KIRREL1: variants seen among roughly 807,000 people sequenced by gnomAD.
KIRREL1 encodes kirre like nephrin family adhesion molecule 1, also known as kin of IRRE-like protein 1.
In KIRREL1, 25 loss-of-function variants were observed where a neutral mutation model predicts 83.3. The ratio of observed to expected loss-of-function variants is 0.30; its 90% CI spans 0.22 to 0.42. The LOEUF is 0.42. Ranked by LOEUF, KIRREL1 falls within the 10% of genes least tolerant of loss-of-function variation. The probability of loss-of-function intolerance (pLI) is 1.00; values close to 1 mark genes in which losing one functional copy is unlikely to be tolerated. For missense variants in KIRREL1, 812 were observed against 1,032.3 expected, an observed-to-expected ratio of 0.79 and a Z score of 2.92; for synonymous variants, 388 against 410.4, an observed-to-expected ratio of 0.95 and a Z score of 0.66.
At chr1:158,043,219 G>A (rs530973696) in intron 1 of KIRREL1, among the ~76,000 whole-genome samples, 4 of 152,204 alleles carry the variant, frequency 2.6e-5, no homozygotes, top group Non-Finnish European at 5.9e-5. Context: ...TCCACACTGG[G>A]AGAGGCTACA....
chr1:158,096,720 ACAGGCGCTC>A lies in KIRREL1; in HGVS notation c.*1603_*1611del. On this transcript the variant is annotated 3_prime_UTR_variant, in exon 15 of 15. Transcript: ENST00000359209. ...AGCCACCACTTTCTGACCAAAGAGA[ACAGGCGCTC>A]CAAGGAGAACCTGTACCCCTGCCCC... 1 of 456,652 alleles carries A rather than the reference ACAGGCGCTC, an allele frequency of 2.2e-6. No homozygotes were observed. The highest frequency in any genetic ancestry group is 1.5e-5 in the South Asian group (1 of 64,558). 28.3% of individuals were successfully genotyped at this position (456,652 alleles called of 1,614,324 possible). A position where few individuals can be genotyped will look rare whatever the true frequency, so the allele number is the denominator to read the frequency against.
At chr1:158,083,423 G>A (rs1661923227) in intron 3 of KIRREL1, among the ~76,000 whole-genome samples, 1 of 152,240 alleles carries the variant, frequency 6.6e-6, no homozygotes, top group South Asian at 2.1e-4. Context: ...GAACAGGATA[G>A]GAAGCACTTC....
intron 1 of KIRREL1, among the ~76,000 whole-genome samples, chr1:158,002,861 C>T (rs187406663): frequency 2.0e-4 from 31 of 152,142 alleles, no homozygotes; most frequent in African/African-American, 7.5e-4. Flanking sequence ...CCCCCTGCTC[C>T]GGATGGAAGG....
intron 1 of KIRREL1, among the ~76,000 whole-genome samples, chr1:158,062,392 A>AATTAAC (rs1661238469): frequency 6.6e-6 from 1 of 152,230 alleles, no homozygotes; most frequent in Non-Finnish European, 1.5e-5. Context: ...CCCTGCAGCA[A>AATTAAC]ATTAACATTC....
chr1:158,089,743 A>T lies in KIRREL1; in HGVS notation c.1197A>T (p.Ala399=), dbSNP rs1205114403. The T allele has an allele frequency of 6.2e-7, 1 of 1,614,028 alleles. No homozygotes were observed. Among genetic ancestry groups the T allele is most frequent in the Non-Finnish European group, 8.5e-7 (1 of 1,180,024 alleles). ...VNGPPIISSE[A]VQYAVRGDGG... Reference sequence around the variant, plus strand: ...GGCCCCCCATCATCTCCAGTGAGGCAGTGCAGTATGCTGTGAGGGGTGACG... The same window carrying T: ...GGCCCCCCATCATCTCCAGTGAGGCTGTGCAGTATGCTGTGAGGGGTGACG... The change falls in exon 10 of 15, where the codon GCA becomes GCT. Residue 399 remains alanine (A), a synonymous_variant. Coordinates refer to ENST00000359209, the MANE Select transcript of KIRREL1 (RefSeq NM_018240.7).
chr1:158,038,985 G>A (rs1660551134), intron 1 of KIRREL1, among the ~76,000 whole-genome samples: 1 of 152,200 alleles, frequency 6.6e-6, no homozygotes, highest in Non-Finnish European at 1.5e-5. Flanking sequence ...GATAGAGAGG[G>A]CTGCTTCATG....
chr1:158,086,924 T>C (rs1211530220), intron 5 of KIRREL1, among the ~76,000 whole-genome samples, 178 bp downstream of exon 5: 1 of 152,112 alleles, frequency 6.6e-6, no homozygotes, highest in Non-Finnish European at 1.5e-5. Flanking sequence ...TAAGGGCTGG[T>C]AGAGCATTGG....
In KIRREL1 at chr1:158,094,882, C is replaced by T; in HGVS notation, c.2036C>T (p.Thr679Ile). ...GCTGCCCCAGCTGGCACTGACACAA[C>T]CAGCCAGCTGTCCTACGAGAACTAT... ...GPAAPAGTDT[T>I]SQLSYENYEK... is the part of the protein sequence containing the mutation. The change falls in exon 15 of 15, where the codon ACC becomes ATC. Residue 679 changes from threonine to isoleucine, a missense_variant. Physicochemically the swap from Thr to Ile is moderately conservative, Grantham distance 89 (BLOSUM62 -1). Around this residue, in one of 3 missense-constraint regions of KIRREL1, gnomAD observed 334 missense variants for 383.7 expected, o/e 0.87. Transcript: ENST00000359209. This position sits in a 1 kb window ranked among gnomAD's most constrained non-coding sequence, Gnocchi z 4.6. 6.2e-7 allele frequency: 1 copy of T among 1,614,004 alleles called. No homozygotes were observed. Among genetic ancestry groups the T allele is most frequent in the Non-Finnish European group, 8.5e-7 (1 of 1,179,938 alleles).
chr1:158,054,188 C>T (rs570997591), intron 1 of KIRREL1, among the ~76,000 whole-genome samples: 102 of 113,940 alleles, frequency 9.0e-4, no homozygotes, highest in Middle Eastern at 9.3e-3. Flanking sequence ...ATTCCAGTCT[C>T]GGTGACAGAG....
In KIRREL1 at chr1:158,095,424, G is replaced by A; in HGVS notation, c.*304G>A. 1 of 301,446 alleles carries A rather than the reference G, an allele frequency of 3.3e-6. No individual in the cohort carries two copies. Among genetic ancestry groups the A allele is most frequent in the Non-Finnish European group, 6.1e-6 (1 of 163,942 alleles). The allele number at this position is 301,446 out of a possible 1,614,324, so 18.7% of individuals were successfully genotyped here. On this transcript the variant is annotated 3_prime_UTR_variant, in exon 15 of 15. Coordinates refer to ENST00000359209, the MANE Select transcript of KIRREL1 (RefSeq NM_018240.7). ...TGAAGGTTAGGGAAAGCAGAGGGGG[G>A]CACTTTTTAGCATTCCCTTTCTATC...
At chr1:158,046,326 T>C (rs1660775832) in intron 1 of KIRREL1, among the ~76,000 whole-genome samples, 1 of 152,108 alleles carries the variant, frequency 6.6e-6, no homozygotes, top group African/African-American at 2.4e-5. Context: ...CTTACGGACC[T>C]GGAGGAATGA....
At chr1:158,047,674 C>G (rs1295128190) in intron 1 of KIRREL1, among the ~76,000 whole-genome samples, 1 of 152,102 alleles carries the variant, frequency 6.6e-6, no homozygotes, top group African/African-American at 2.4e-5. Flanking sequence ...TTGGGTTAAC[C>G]AAGGCTCAGA....
In KIRREL1 at chr1:158,096,367, G is replaced by C. The variant is rs1267820630; in HGVS notation, c.*1247G>C. On this transcript the variant is annotated 3_prime_UTR_variant, in exon 15 of 15. Transcript: ENST00000359209. ...GGGAGACAGGTTTTGGTTTTTAAGTGTCTTTTTTTTTTTTCTTGGACCAAT... is the reference window on the plus strand; with the variant it reads ...GGGAGACAGGTTTTGGTTTTTAAGTCTCTTTTTTTTTTTTCTTGGACCAAT... 5.6e-6 allele frequency: 2 copies of C among 354,002 alleles called. No homozygotes were observed. The highest frequency in any genetic ancestry group is 4.3e-5 in the African/African-American group (2 of 46,518). 21.9% of individuals were successfully genotyped at this position (354,002 alleles called of 1,614,324 possible). A position where few individuals can be genotyped will look rare whatever the true frequency, so the allele number is the denominator to read the frequency against.
intron 1 of KIRREL1, among the ~76,000 whole-genome samples, chr1:158,038,531 T>G (rs569055270): frequency 6.8e-5 from 10 of 146,300 alleles, no homozygotes; most frequent in Admixed American, 6.3e-4. Flanking sequence ...CTCTTTATGT[T>G]GTCTGGGCTG....
intron 1 of KIRREL1, among the ~76,000 whole-genome samples, chr1:158,013,966 C>G (rs555169813): frequency 6.6e-6 from 1 of 152,272 alleles, no homozygotes; most frequent in East Asian, 1.9e-4. Flanking sequence ...CTAGAGATGC[C>G]CTTGTTTTTC....
chr1:158,058,916 C>T (rs546631416), intron 1 of KIRREL1, among the ~76,000 whole-genome samples: 50 of 152,268 alleles, frequency 3.3e-4, no homozygotes, highest in African/African-American at 1.1e-3. Context: ...TCCCAGACGC[C>T]GCAGCCGACA....
chr1:158,042,537 G>A (rs1660657546), intron 1 of KIRREL1, among the ~76,000 whole-genome samples: 1 of 151,996 alleles, frequency 6.6e-6, no homozygotes, highest in Admixed American at 6.6e-5. Flanking sequence ...ATGAGATGAG[G>A]TGAGATTATG....
chr1:158,076,881 G>A (rs1661695267), intron 2 of KIRREL1, among the ~76,000 whole-genome samples: 1 of 152,168 alleles, frequency 6.6e-6, no homozygotes, highest in South Asian at 2.1e-4. Context: ...AGCAAGTAAA[G>A]AGACCTTTGG....
At chr1:158,030,057 G>C (rs1041423195) in intron 1 of KIRREL1, among the ~76,000 whole-genome samples, 1 of 152,124 alleles carries the variant, frequency 6.6e-6, no homozygotes, top group Non-Finnish European at 1.5e-5. Flanking sequence ...GGCAGGTCAG[G>C]GTTTTTGATT....
Sources: allele counts gnomAD v4.1 joint callset (sites outside exome capture counted in the v4.1 genomes callset), GRCh38; gene constraint gnomAD v4.1.1; regional missense constraint gnomAD v4.1.1; non-coding constraint Gnocchi (gnomAD v3.1); transcripts MANE v1.5; gene names NCBI Gene and HGNC (gene_info 2026-07-23, HGNC 2026-07-21).